INSRR: variants seen among roughly 807,000 people sequenced by gnomAD.
INSRR encodes the protein insulin receptor related receptor.
A neutral mutation model predicts 130.0 loss-of-function variants in INSRR; 114 were observed. The observed-to-expected ratio is 0.88, with a 90% CI of 0.75 to 1.02. INSRR has a LOEUF of 1.02. INSRR is among the 50% of genes least tolerant of loss of function. The probability of loss-of-function intolerance (pLI) is 0.00; values close to 1 mark genes in which losing one functional copy is unlikely to be tolerated. For missense variants in INSRR, 1,657 were observed against 1,735.2 expected (o/e 0.95, Z 0.80); for synonymous variants, 674 against 705.2 (o/e 0.96, Z 0.70).
chr1:156,849,544 AG>A, intron 5 of INSRR, 84 bp from the exon 6 acceptor site: 1 of 1,085,146 alleles, frequency 9.2e-7, no homozygotes, highest in Admixed American at 2.0e-5. Context: ...TCCTCCTGGA[AG>A]GGTTTTGCTG....
chr1:156,843,762 T>C (rs1484779547), intron 15 of INSRR, among the ~76,000 whole-genome samples: 1 of 152,224 alleles, frequency 6.6e-6, no homozygotes, highest in Non-Finnish European at 1.5e-5. Flanking sequence ...CATTTTCCTC[T>C]TGCAGTCAGC....
At chr1:156,844,087 C>T in intron 15 of INSRR, 88 bp downstream of exon 15, 1 of 934,956 alleles carries the variant, frequency 1.1e-6, no homozygotes, top group Non-Finnish European at 1.7e-6. Context: ...ACCTGTCTTT[C>T]TACTGTCTCA....
intron 16 of INSRR, 26 bp downstream of exon 16, chr1:156,843,401 A>T (rs769551134): frequency 7.4e-6 from 12 of 1,611,498 alleles, no homozygotes; most frequent in Non-Finnish European, 1.0e-5. Context: ...TTCCCACACC[A>T]CCTGTCCACC....
In INSRR at chr1:156,852,011, C is replaced by T. The variant is rs201429290; in HGVS notation, c.818G>A (p.Arg273His). ...PPGTYQYESW[R>H]CVTAERCASL... ...GGCACAGCGCTCAGCTGTGACACAGCGCCAGGACTCATACTGGTAGGTGCC... is the reference window on the plus strand; with the variant it reads ...GGCACAGCGCTCAGCTGTGACACAGTGCCAGGACTCATACTGGTAGGTGCC... The change falls in exon 3 of 22, where the codon CGC (arginine) becomes CAC (histidine). Residue 273 changes from arginine to histidine, a missense_variant. Transcript: ENST00000368195. 8.4e-5 allele frequency: 135 copies of T among 1,613,320 alleles called. No homozygotes were observed. Among genetic ancestry groups the T allele is most frequent in the Non-Finnish European group, 1.0e-4 (121 of 1,179,814 alleles).
chr1:156,857,761 G>A (rs1655461696), intron 1 of INSRR, among the ~76,000 whole-genome samples: 1 of 152,238 alleles, frequency 6.6e-6, no homozygotes, highest in Non-Finnish European at 1.5e-5. Context: ...CACAGAGTCT[G>A]GATTCCTGAG....
At position 156,848,890 on chromosome 1, in the gene INSRR, C is replaced by A. The variant is rs1558088188; in HGVS notation, c.1571+31G>T. Reference sequence around the variant, plus strand: ...AAGAAATTGGCCTCGTCCGGTCCCGCCCCCGCTCCGGCCCCGCCCCCGGCA... The same window carrying A: ...AAGAAATTGGCCTCGTCCGGTCCCGACCCCGCTCCGGCCCCGCCCCCGGCA... On this transcript the variant is annotated intron_variant, in intron 7 of 21. Coordinates refer to ENST00000368195, the MANE Select transcript of INSRR (RefSeq NM_014215.3). 2.6e-6 allele frequency: 4 copies of A among 1,547,638 alleles called. No individual in the cohort carries two copies. In the South Asian group the frequency reaches 4.8e-5, roughly 18 times the overall value.
chr1:156,852,167 G>A lies in INSRR; in HGVS notation c.662C>T (p.Ala221Val), dbSNP rs1655239667. Residue 221 changes from alanine to valine, a missense_variant, in exon 3 of 22, where the codon GCT (alanine) becomes GTT (valine). Transcript: ENST00000368195. ...GCAGCACTCGCCCCTCGCTGTGCAA[G>A]CCATCCCATGGGGGCAGGGGCACAC... ...QRVCPCPHGMACTARGECCHT... is the reference protein window; with the variant it reads ...QRVCPCPHGMVCTARGECCHT... 6.2e-7 allele frequency: 1 copy of A among 1,604,942 alleles called. No individual in the cohort carries two copies. Among genetic ancestry groups the A allele is most frequent in the Non-Finnish European group, 8.5e-7 (1 of 1,174,494 alleles).
In INSRR at chr1:156,842,124, C is replaced by T. The variant is rs1035402024; in HGVS notation, c.3385G>A (p.Val1129Ile). ...RNCMVSQDFT[V>I]KIGDFGMTRD... ...GCACCCTCTGTACCCCCGATCTTGA[C>T]GGTGAAGTCCTGGGACACCATGCAG... The change falls in exon 19 of 22, where the codon GTC becomes ATC. Residue 1129 changes from valine (V) to isoleucine (I), a missense_variant. Transcript: ENST00000368195. 7 of 1,613,914 alleles carry T rather than the reference C, an allele frequency of 4.3e-6. No homozygotes were observed. Among genetic ancestry groups the T allele is most frequent in the African/African-American group, 1.3e-5 (1 of 74,880 alleles).
In INSRR at chr1:156,842,174, A is replaced by G. The variant is rs772332648; in HGVS notation, c.3335T>C (p.Val1112Ala). The G allele has an allele frequency of 6.2e-7, 1 of 1,613,942 alleles. No homozygotes were observed. Among genetic ancestry groups the G allele is most frequent in the Non-Finnish European group, 8.5e-7 (1 of 1,179,962 alleles). ...GMAYLAANKFVHRDLAARNCM... is the reference protein window; with the variant it reads ...GMAYLAANKFAHRDLAARNCM... ...GTTGCGGGCTGCTAGATCTCGGTGCACAAACTTGTTGGCAGCAAGGTAGGC... is the reference window on the plus strand; with the variant it reads ...GTTGCGGGCTGCTAGATCTCGGTGCGCAAACTTGTTGGCAGCAAGGTAGGC... Residue 1112 changes from valine to alanine, a missense_variant, in exon 19 of 22, where the codon GTG becomes GCG. Val to Ala is a moderately conservative substitution (Grantham distance 64, BLOSUM62 0). Coordinates refer to ENST00000368195, the MANE Select transcript of INSRR (RefSeq NM_014215.3).
intron 17 of INSRR, 88 bp from the exon 18 acceptor site, chr1:156,842,596 T>G (rs1654841699): frequency 1.0e-6 from 1 of 953,692 alleles, no homozygotes; most frequent in South Asian, 1.4e-5. Context: ...ACAGTCTGAC[T>G]CAGACACCAA....
At chr1:156,855,920 T>C (rs1452530403) in intron 1 of INSRR, among the ~76,000 whole-genome samples, 2 of 150,056 alleles carry the variant, frequency 1.3e-5, no homozygotes, top group Non-Finnish European at 3.0e-5. Context: ...CTAATGTGCG[T>C]GTGTGTGTGT....
At chr1:156,856,336 G>T (rs138643937) in intron 1 of INSRR, among the ~76,000 whole-genome samples, 8 of 152,308 alleles carry the variant, frequency 5.3e-5, no homozygotes, top group African/African-American at 1.9e-4. Context: ...GCGAAGAAGT[G>T]ATCTGAGCTT....
rs755706109 is a variant in INSRR at position 156,843,470 on chromosome 1, G to C, written c.2853C>G (p.Thr951=). ...ACTCTGGATTCACAGAAGCATACAG[G>C]GTTCTGTTTCTGCAACGGGAGGTGA... The part of the protein sequence containing the change: ...GFFYGKKRNR[T]LYASVNPEYF... The change falls in exon 16 of 22, where the codon ACC becomes ACG. Residue 951 remains threonine (T), a synonymous_variant. Coordinates refer to ENST00000368195, the MANE Select transcript of INSRR (RefSeq NM_014215.3). 7 of 1,614,056 alleles carry C rather than the reference G, an allele frequency of 4.3e-6. No individual in the cohort carries two copies. The highest frequency in any genetic ancestry group is 2.7e-5 in the African/African-American group (2 of 74,934).
chr1:156,856,612 C>T (rs143077604), intron 1 of INSRR, among the ~76,000 whole-genome samples: 159 of 152,264 alleles, frequency 1.0e-3, no homozygotes, highest in African/African-American at 3.4e-3. Flanking sequence ...CTTAGTCCAG[C>T]GCCCACATCA....
chr1:156,844,413 C>A, intron 14 of INSRR, 49 bp downstream of exon 14: 3 of 1,590,504 alleles, frequency 1.9e-6, no homozygotes, highest in Non-Finnish European at 2.6e-6. Context: ...GGCTGGGGAC[C>A]AGGTAGGGCT....
In INSRR at chr1:156,853,988, AC is replaced by A; in HGVS notation, c.400del (p.Val134CysfsTer114). ...RDVALPALGAVLRGAVRVEKN... is the reference protein window; with the variant it reads ...RDVALPALGAXLRGAVRVEKN... Reference sequence around the variant, plus strand: ...CTCCACACGCACAGCCCCACGCAGCACGGCCCCAAGTGCAGGCAGTGCCACG... The same window carrying A: ...CTCCACACGCACAGCCCCACGCAGCAGGCCCCAAGTGCAGGCAGTGCCACG... On this transcript the variant is annotated frameshift_variant, in exon 2 of 22. Transcript: ENST00000368195. LOFTEE classifies it high-confidence loss of function. 1 of 1,613,588 alleles carries A rather than the reference AC, an allele frequency of 6.2e-7. No individual in the cohort carries two copies. Among genetic ancestry groups the A allele is most frequent in the Non-Finnish European group, 8.5e-7 (1 of 1,179,642 alleles).
intron 5 of INSRR, 55 bp from the exon 6 acceptor site, chr1:156,849,515 A>T (rs1487373223): frequency 8.8e-7 from 1 of 1,135,982 alleles, no homozygotes; most frequent in Non-Finnish European, 1.3e-6. Flanking sequence ...GGGGGTGGGA[A>T]AGGGGATGGC....
chr1:156,858,273 A>T (rs1655480226), intron 1 of INSRR, among the ~76,000 whole-genome samples: 1 of 152,202 alleles, frequency 6.6e-6, no homozygotes, highest in Non-Finnish European at 1.5e-5. Context: ...CTTCACTGGG[A>T]TCACAGTTTC....
rs764071681 is a variant in INSRR at position 156,845,276 on chromosome 1, C to T, written c.2237G>A (p.Arg746Gln). Residue 746 changes from arginine to glutamine, a missense_variant, in exon 12 of 22, where the codon CGG becomes CAG. Arg to Gln is a conservative substitution (Grantham distance 43, BLOSUM62 1). Transcript: ENST00000368195. ...CCCCAGCCGGAGGGGCCCAGCTGCC[C>T]GGCGGTGCCGCCCTGAGTCCCTGGG... ...SPQRDSGRHRRAAGPLRLGGN... is the reference protein window; with the variant it reads ...SPQRDSGRHRQAAGPLRLGGN... The T allele has an allele frequency of 1.4e-5, 23 of 1,612,266 alleles. No homozygotes were observed. Among genetic ancestry groups the T allele is most frequent in the Non-Finnish European group, 2.0e-5 (23 of 1,179,326 alleles).
Sources: gnomAD v4.1 joint callset for allele counts (sites outside exome capture counted in the v4.1 genomes callset) on GRCh38, gnomAD v4.1.1 for gene constraint, MANE v1.5 for transcripts, NCBI Gene and HGNC (gene_info 2026-07-23, HGNC 2026-07-21) for gene names.